The following OMA1 variants were observed in gnomAD, a reference collection of about 807,000 sequenced individuals.
OMA1 encodes the protein OMA1 zinc metallopeptidase, also known as metalloendopeptidase OMA1, mitochondrial.
A neutral mutation model predicts 30.9 loss-of-function variants in OMA1; 38 were observed. The observed-to-expected ratio is 1.23, with a 90% CI of 0.95 to 1.61. The LOEUF (loss-of-function observed/expected upper bound fraction) is 1.61, where lower values mean the gene tolerates loss of function less well. Among genes scored for constraint, OMA1 ranks in the 40% most tolerant of loss-of-function variants. The pLI, the probability that OMA1 is intolerant of heterozygous loss-of-function variation, is 0.00. For missense variants in OMA1, 461 were observed against 349.2 expected, an observed-to-expected ratio of 1.32 and a Z score of -2.55; for synonymous variants, 173 against 121.9, an observed-to-expected ratio of 1.42 and a Z score of -2.76.
At chr1:58,505,172 G>A (rs1037664229) in intron 8 of OMA1, among the ~76,000 whole-genome samples, 2 of 152,028 alleles carry the variant, frequency 1.3e-5, no homozygotes, top group East Asian at 1.9e-4. Context: ...GGCTGGTCTC[G>A]AACTCCTGAC....
intron 8 of OMA1, among the ~76,000 whole-genome samples, chr1:58,485,719 C>T (rs1195444367): frequency 6.6e-6 from 1 of 151,916 alleles, no homozygotes; most frequent in Non-Finnish European, 1.5e-5. Context: ...CAAAAGTGAG[C>T]AAAATTTTCC....
intron 8 of OMA1, among the ~76,000 whole-genome samples, chr1:58,491,481 A>C (rs1194754217): frequency 1.3e-5 from 2 of 152,214 alleles, no homozygotes; most frequent in Non-Finnish European, 2.9e-5. Flanking sequence ...AATTGGATAA[A>C]GAGTCAAGAC....
chr1:58,516,649 G>A (rs1646161861), intron 7 of OMA1, among the ~76,000 whole-genome samples: 1 of 152,152 alleles, frequency 6.6e-6, no homozygotes, highest in Non-Finnish European at 1.5e-5. Flanking sequence ...GGGAAAGTGG[G>A]CTGCCTACTT....
chr1:58,510,594 C>T (rs1339677693), intron 7 of OMA1, among the ~76,000 whole-genome samples: 2 of 152,044 alleles, frequency 1.3e-5, no homozygotes, highest in Admixed American at 1.3e-4. Context: ...TGCCACTTCT[C>T]TTCAATACAG....
chr1:58,530,778 T>C lies in OMA1; in HGVS notation c.1012-49A>G, dbSNP rs561929785. The C allele has an allele frequency of 1.0e-3, 854 of 838,852 alleles. 15 individuals carry two copies. The South Asian group carries it at 0.011, about 11-fold the overall frequency. The allele number at this position is 838,852 out of a possible 1,614,324, so 52.0% of individuals were successfully genotyped here. On this transcript the variant is annotated intron_variant, in intron 5 of 8. Transcript: ENST00000371226. ...AACTACATTTTATACATTGAGACAG[T>C]ATATGCTTACATTTTCTAGTTCATC...
intron 8 of OMA1, among the ~76,000 whole-genome samples, chr1:58,496,116 A>G (rs1021648147): frequency 6.6e-6 from 1 of 152,088 alleles, no homozygotes; most frequent in Non-Finnish European, 1.5e-5. Flanking sequence ...TCCCATTGTT[A>G]TATGCAGCTT....
At chr1:58,500,541 T>C (rs1645889690) in intron 8 of OMA1, among the ~76,000 whole-genome samples, 1 of 152,194 alleles carries the variant, frequency 6.6e-6, no homozygotes, top group Non-Finnish European at 1.5e-5. Flanking sequence ...TTAATATGAA[T>C]GCAGCCACCA....
intron 8 of OMA1, among the ~76,000 whole-genome samples, chr1:58,492,842 A>G (rs908983378): frequency 3.9e-5 from 6 of 152,172 alleles, no homozygotes; most frequent in African/African-American, 1.2e-4. Flanking sequence ...GAGGTACAAG[A>G]AGGAGCTGGT....
intron 7 of OMA1, among the ~76,000 whole-genome samples, chr1:58,515,348 T>C (rs1646143437): frequency 6.6e-6 from 1 of 152,240 alleles, no homozygotes; most frequent in Non-Finnish European, 1.5e-5. Flanking sequence ...GTTGGTCATT[T>C]AATCTTAATT....
At chr1:58,523,481 T>C (rs1646299014) in intron 7 of OMA1, among the ~76,000 whole-genome samples, 1 of 152,188 alleles carries the variant, frequency 6.6e-6, no homozygotes, top group East Asian at 1.9e-4. Context: ...TAAAGGTCCT[T>C]ATGGCCCTCT....
In OMA1 at chr1:58,480,835, T is replaced by C; in HGVS notation, c.*130A>G. On this transcript the variant is annotated 3_prime_UTR_variant, in exon 9 of 9. Coordinates refer to ENST00000371226, the MANE Select transcript of OMA1 (RefSeq NM_145243.5). The stretch of plus-strand genomic sequence containing the variant: ...AAATTCTAGAAGAATTTAGATAATA[T>C]CTGTAATGTACATGATTTGACCCTG... 6.9e-6 allele frequency: 4 copies of C among 577,098 alleles called. No individual in the cohort carries two copies. The highest frequency in any genetic ancestry group is 1.2e-5 in the Non-Finnish European group (4 of 344,222). 35.7% of individuals were successfully genotyped at this position (577,098 alleles called of 1,614,324 possible).
chr1:58,532,709 CT>C (rs1016977860), intron 5 of OMA1, among the ~76,000 whole-genome samples: 1 of 151,770 alleles, frequency 6.6e-6, no homozygotes, highest in Non-Finnish European at 1.5e-5. Context: ...TAAAATTTTT[CT>C]GTACAGACTG....
At chr1:58,523,682 G>C (rs572268383) in intron 7 of OMA1, among the ~76,000 whole-genome samples, 1 of 152,108 alleles carries the variant, frequency 6.6e-6, no homozygotes, top group Admixed American at 6.6e-5. Flanking sequence ...GGCGGATCAC[G>C]AGGTCAGGAG....
At chr1:58,524,960 T>C (rs1646327078) in intron 7 of OMA1, among the ~76,000 whole-genome samples, 1 of 152,202 alleles carries the variant, frequency 6.6e-6, no homozygotes, top group South Asian at 2.1e-4. Context: ...TTGAGATCAC[T>C]GCATTAGCAA....
chr1:58,541,423 T>C (rs1184822906), intron 1 of OMA1: 1 of 144,358 alleles, frequency 6.9e-6, no homozygotes, highest in Admixed American at 7.1e-5. Context: ...GACAGAGAGA[T>C]GAGTGACTGC....
At chr1:58,542,474 A>G (rs1020017466) in intron 1 of OMA1, 3 of 152,216 alleles carry the variant, frequency 2.0e-5, no homozygotes, top group African/African-American at 7.2e-5. Context: ...GTTATTAAAT[A>G]CTACATACTG....
At chr1:58,544,097 T>C (rs1383529012) in intron 1 of OMA1, among the ~76,000 whole-genome samples, 1 of 152,230 alleles carries the variant, frequency 6.6e-6, no homozygotes, top group African/African-American at 2.4e-5. Context: ...TATGATGGAA[T>C]TTGAACTTGC....
chr1:58,520,374 C>T (rs1332926068), intron 7 of OMA1, among the ~76,000 whole-genome samples: 1 of 152,150 alleles, frequency 6.6e-6, no homozygotes, highest in Non-Finnish European at 1.5e-5. Context: ...AGAATAAGAA[C>T]ACAAACTTCC....
At chr1:58,543,359 T>C (rs760292457) in intron 1 of OMA1, among the ~76,000 whole-genome samples, 26 of 152,194 alleles carry the variant, frequency 1.7e-4, no homozygotes, top group Non-Finnish European at 3.2e-4. Flanking sequence ...TTTTCAACAT[T>C]TAATCAGTTC....
Sources: gnomAD v4.1 joint callset for allele counts (sites outside exome capture counted in the v4.1 genomes callset) on GRCh38, gnomAD v4.1.1 for gene constraint, MANE v1.5 for transcripts, NCBI Gene and HGNC (gene_info 2026-07-23, HGNC 2026-07-21) for gene names.